The following TMEM135 variants were observed in gnomAD, a reference collection of about 807,000 sequenced individuals.
The protein encoded by TMEM135 is transmembrane protein 135, also known as peroxisomal membrane protein 52.
A neutral mutation model predicts 60.3 loss-of-function variants in TMEM135; 30 were observed. That is an observed-to-expected ratio of 0.50 (90% CI 0.37 to 0.68). The LOEUF is 0.68. Ranked by LOEUF, TMEM135 falls within the 30% of genes least tolerant of loss-of-function variation. The pLI is 0.00. For synonymous variants in TMEM135, 190 were observed against 186.7 expected (o/e 1.02, Z -0.14); for missense variants, 468 against 548.8 (o/e 0.85, Z 1.47).
intron 6 of TMEM135, among the ~76,000 whole-genome samples, chr11:87,247,580 T>C (rs1469675372): frequency 2.0e-5 from 3 of 152,168 alleles, no homozygotes; most frequent in Admixed American, 2.0e-4. Flanking sequence ...TCCCCCAGCC[T>C]CGCTGCCACC....
At chr11:87,129,966 C>T (rs1937870009) in intron 4 of TMEM135, among the ~76,000 whole-genome samples, 1 of 152,002 alleles carries the variant, frequency 6.6e-6, no homozygotes, top group African/African-American at 2.4e-5. Flanking sequence ...CTCCAGACAT[C>T]TAGAATAAAG....
At chr11:87,170,656 C>G (rs1458756647) in intron 5 of TMEM135, among the ~76,000 whole-genome samples, 2 of 152,180 alleles carry the variant, frequency 1.3e-5, no homozygotes, top group African/African-American at 4.8e-5. Flanking sequence ...GTTCCTTCCT[C>G]TGGAAGCTTT....
chr11:87,222,071 A>T (rs1027627783), intron 5 of TMEM135, among the ~76,000 whole-genome samples: 4 of 149,134 alleles, frequency 2.7e-5, no homozygotes, highest in African/African-American at 9.9e-5. Flanking sequence ...AATCCCAGCT[A>T]CTCAGGAGGC....
At chr11:87,308,928 A>T (rs190773989) in intron 9 of TMEM135, among the ~76,000 whole-genome samples, 1 of 152,258 alleles carries the variant, frequency 6.6e-6, no homozygotes, top group East Asian at 1.9e-4. Context: ...CTCCCTAGAG[A>T]TGTTTTAGCC....
At chr11:87,262,252 G>C (rs1442112795) in intron 6 of TMEM135, among the ~76,000 whole-genome samples, 1 of 152,136 alleles carries the variant, frequency 6.6e-6, no homozygotes, top group Non-Finnish European at 1.5e-5. Context: ...TGATAGGTTA[G>C]ATACTTAGCT....
At chr11:87,235,771 C>G (rs1000556990) in intron 5 of TMEM135, among the ~76,000 whole-genome samples, 1 of 151,852 alleles carries the variant, frequency 6.6e-6, no homozygotes, top group Non-Finnish European at 1.5e-5. Flanking sequence ...TTTGGTATAA[C>G]TAAGACGTTA....
intron 4 of TMEM135, among the ~76,000 whole-genome samples, chr11:87,150,305 A>C (rs1236640129): frequency 6.6e-6 from 1 of 152,104 alleles, no homozygotes; most frequent in Non-Finnish European, 1.5e-5. Flanking sequence ...TGCTTCTAAC[A>C]CATGAATTCC....
chr11:87,221,963 C>G (rs914144691), intron 5 of TMEM135, among the ~76,000 whole-genome samples: 2 of 151,870 alleles, frequency 1.3e-5, no homozygotes, highest in African/African-American at 4.8e-5. Flanking sequence ...TTTGGGAGGC[C>G]GAGGTGGGCG....
At chr11:87,143,955 G>A (rs1414247881) in intron 4 of TMEM135, among the ~76,000 whole-genome samples, 2 of 152,028 alleles carry the variant, frequency 1.3e-5, no homozygotes, top group African/African-American at 2.4e-5. Flanking sequence ...AATTCTGCTC[G>A]CATTTTGTTG....
At chr11:87,252,779 A>AC (rs1941444542) in intron 6 of TMEM135, among the ~76,000 whole-genome samples, 1 of 131,088 alleles carries the variant, frequency 7.6e-6, no homozygotes, top group South Asian at 2.8e-4. Flanking sequence ...CTCAAAAAAA[A>AC]AAAAAAATTA....
chr11:87,267,786 G>A (rs1040024351), intron 6 of TMEM135, among the ~76,000 whole-genome samples: 2 of 152,056 alleles, frequency 1.3e-5, no homozygotes, highest in African/African-American at 2.4e-5. Flanking sequence ...TCCACCTCCC[G>A]GGTTCAAGTG....
chr11:87,323,787 A>T lies in TMEM135; in HGVS notation c.*2454A>T, dbSNP rs528159593. 1 of 453,998 alleles carries T rather than the reference A, an allele frequency of 2.2e-6. No homozygotes were observed. The highest frequency in any genetic ancestry group is 1.6e-5 in the South Asian group (1 of 64,410). 28.1% of individuals were successfully genotyped at this position (453,998 alleles called of 1,614,324 possible). The stretch of plus-strand genomic sequence containing the variant: ...ATTGTCTCAAATCTATTCAATTCTC[A>T]GCAGTTTTTCATCAAATAATTTCAG... On this transcript the variant is annotated 3_prime_UTR_variant, in exon 15 of 15. Transcript: ENST00000305494.
chr11:87,061,055 G>T (rs548860156), intron 1 of TMEM135, among the ~76,000 whole-genome samples: 1 of 152,152 alleles, frequency 6.6e-6, no homozygotes, highest in Non-Finnish European at 1.5e-5. Context: ...ATTTTTCATA[G>T]AAATAGTTGT....
chr11:87,235,286 G>C (rs183195717), intron 5 of TMEM135, among the ~76,000 whole-genome samples: 1 of 151,754 alleles, frequency 6.6e-6, no homozygotes, highest in Non-Finnish European at 1.5e-5. Context: ...AGAGAGGAAG[G>C]AAGGAGGGAA....
chr11:87,047,259 T>C (rs944972322), intron 1 of TMEM135, among the ~76,000 whole-genome samples: 8 of 152,294 alleles, frequency 5.3e-5, no homozygotes, highest in East Asian at 3.9e-4. Context: ...CTGGGGAATA[T>C]CTTAAATTGT....
rs375648003 is a variant in TMEM135 at position 87,206,826 on chromosome 11, A to C, written c.463-29812A>C. 6.3e-4 allele frequency among the ~76,000 whole-genome samples: 96 copies of C among 152,258 alleles called. 1 individual carries two copies. In the South Asian group the frequency reaches 0.019, roughly 31 times the overall value. ...TGCATACATTTGATAATTGCATTAG[A>C]TGGTTATTTAAACTTGAAATTATCT... On this transcript the variant is annotated intron_variant, in intron 5 of 14. Transcript: ENST00000305494.
At chr11:87,149,130 G>T (rs1938488222) in intron 4 of TMEM135, among the ~76,000 whole-genome samples, 1 of 151,012 alleles carries the variant, frequency 6.6e-6, no homozygotes, top group South Asian at 2.1e-4. Flanking sequence ...AAAAAATTTA[G>T]CTCTTATGTA....
chr11:87,157,225 G>A, intron 4 of TMEM135, 116 bp from the exon 5 acceptor site: 5 of 938,994 alleles, frequency 5.3e-6, no homozygotes, highest in Non-Finnish European at 6.8e-6. Flanking sequence ...TCGTTCTCTA[G>A]AAGTTGCTGG....
chr11:87,207,068 A>G lies in TMEM135; in HGVS notation c.463-29570A>G, dbSNP rs530212931. The stretch of plus-strand genomic sequence containing the variant: ...AAAGTGGTAGCTAGCTACTACTATA[A>G]TCAGATATTTTTCTGATTAAACTCA... On this transcript the variant is annotated intron_variant, in intron 5 of 14. Coordinates refer to ENST00000305494, the MANE Select transcript of TMEM135 (RefSeq NM_022918.4). Among the ~76,000 whole-genome samples the G allele has an allele frequency of 5.3e-5, 8 of 152,188 alleles. No individual in the cohort carries two copies. The South Asian group carries it at 1.5e-3, about 28-fold the overall frequency.
Sources: gnomAD v4.1 joint callset for allele counts (sites outside exome capture counted in the v4.1 genomes callset) on GRCh38, gnomAD v4.1.1 for gene constraint, MANE v1.5 for transcripts, NCBI Gene and HGNC (gene_info 2026-07-23, HGNC 2026-07-21) for gene names.